NXPH1: variants seen among roughly 807,000 people sequenced by gnomAD.
NXPH1 encodes the protein neurexophilin 1.
In NXPH1, 5 loss-of-function variants were observed where a neutral mutation model predicts 23.7. That is an observed-to-expected ratio of 0.21 (90% CI 0.11 to 0.44). NXPH1 has a LOEUF of 0.44. Among genes scored for constraint, NXPH1 ranks in the 20% least tolerant of loss-of-function variants. The pLI is 0.99. For missense variants in NXPH1, 324 were observed against 321.6 expected (o/e 1.01, Z -0.06); for synonymous variants, 144 against 122.2 (o/e 1.18, Z -1.18).
chr7:8,447,289 G>C lies in NXPH1; in HGVS notation c.54+11522G>C, dbSNP rs148648642. On this transcript the variant is annotated intron_variant, in intron 2 of 2. Coordinates refer to ENST00000405863, the MANE Select transcript of NXPH1 (RefSeq NM_152745.3). ...TATTTGTGAATAGTTTCTTTCACCA[G>C]GGCACCATCATTTACTGTGTTAGAG... Among the ~76,000 whole-genome samples the C allele has an allele frequency of 8.1e-4, 124 of 152,246 alleles. 1 individual carries two copies. Among genetic ancestry groups the C allele is most frequent in the African/African-American group, 2.8e-3 (115 of 41,536 alleles).
At chr7:8,728,578 C>G (rs2115213801) in intron 2 of NXPH1, among the ~76,000 whole-genome samples, 1 of 152,150 alleles carries the variant, frequency 6.6e-6, no homozygotes, top group African/African-American at 2.4e-5. Flanking sequence ...AAGGCCTTTT[C>G]TGCATCTATT....
At chr7:8,689,596 T>A (rs1407917707) in intron 2 of NXPH1, among the ~76,000 whole-genome samples, 1 of 152,154 alleles carries the variant, frequency 6.6e-6, no homozygotes, top group Non-Finnish European at 1.5e-5. Context: ...GGTAGAAGAA[T>A]GAAGCTGAAC....
intron 2 of NXPH1, among the ~76,000 whole-genome samples, chr7:8,560,188 G>T (rs533259389): frequency 6.6e-6 from 1 of 151,754 alleles, no homozygotes; most frequent in South Asian, 2.1e-4. Flanking sequence ...AAAAATAATA[G>T]CATATGTAAA....
chr7:8,523,954 G>C (rs1817818311), intron 2 of NXPH1, among the ~76,000 whole-genome samples: 1 of 152,076 alleles, frequency 6.6e-6, no homozygotes, highest in African/African-American at 2.4e-5. Context: ...ATACAGGAAA[G>C]CTATCTTCAG....
chr7:8,490,526 C>T (rs909511947), intron 2 of NXPH1, among the ~76,000 whole-genome samples: 1 of 151,702 alleles, frequency 6.6e-6, no homozygotes, highest in South Asian at 2.1e-4. Context: ...ATTTAACCTT[C>T]TCTGAGTGAA....
chr7:8,593,965 C>T (rs778126903), intron 2 of NXPH1, among the ~76,000 whole-genome samples: 1 of 151,154 alleles, frequency 6.6e-6, no homozygotes, highest in Non-Finnish European at 1.5e-5. Flanking sequence ...TTTTAGACAT[C>T]AACTTAAAAA....
Position 8,464,997 on chromosome 7 carries a change from C to G in NXPH1, c.54+29230C>G, listed in dbSNP as rs577790108. ...TGCTTTGGGAAACAAATCTGGCAGC[C>G]TAAAATAATCCAGATGGGAGAGAAG... On this transcript the variant is annotated intron_variant, in intron 2 of 2. Coordinates refer to ENST00000405863, the MANE Select transcript of NXPH1 (RefSeq NM_152745.3). Among the ~76,000 whole-genome samples the G allele has an allele frequency of 5.9e-5, 9 of 152,016 alleles. No individual in the cohort carries two copies. The South Asian group carries it at 1.9e-3, about 32-fold the overall frequency.
intron 2 of NXPH1, among the ~76,000 whole-genome samples, chr7:8,644,735 A>C (rs967771550): frequency 1.3e-5 from 2 of 152,158 alleles, no homozygotes; most frequent in Non-Finnish European, 2.9e-5. Context: ...ATCCAGATTA[A>C]GAATTAGAAT....
intron 2 of NXPH1, among the ~76,000 whole-genome samples, chr7:8,535,388 A>C (rs1584217756): frequency 6.6e-6 from 1 of 152,104 alleles, no homozygotes; most frequent in Non-Finnish European, 1.5e-5. Context: ...TAAGCCCTTG[A>C]TGATGTACTT....
chr7:8,623,548 G>A (rs1215883989), intron 2 of NXPH1, among the ~76,000 whole-genome samples: 1 of 151,792 alleles, frequency 6.6e-6, no homozygotes, highest in Non-Finnish European at 1.5e-5. Flanking sequence ...TCGAATCATA[G>A]TTAACAAACA....
chr7:8,443,835 A>G (rs1340308489), intron 2 of NXPH1, among the ~76,000 whole-genome samples: 1 of 151,878 alleles, frequency 6.6e-6, no homozygotes, highest in African/African-American at 2.4e-5. Context: ...GTTTCTCTTT[A>G]CTTACCAAAC....
intron 2 of NXPH1, among the ~76,000 whole-genome samples, chr7:8,662,660 A>C (rs935597562): frequency 6.6e-6 from 1 of 152,020 alleles, no homozygotes; most frequent in East Asian, 1.9e-4. Flanking sequence ...AAAACTGAGA[A>C]GTGACGAAAG....
At chr7:8,496,653 G>C (rs1303897466) in intron 2 of NXPH1, among the ~76,000 whole-genome samples, 1 of 151,904 alleles carries the variant, frequency 6.6e-6, no homozygotes, top group Non-Finnish European at 1.5e-5. Flanking sequence ...CAACTTCTTG[G>C]GCCCCATCCC....
intron 2 of NXPH1, among the ~76,000 whole-genome samples, chr7:8,728,129 G>A (rs1053909528): frequency 6.6e-6 from 1 of 151,256 alleles, no homozygotes; most frequent in African/African-American, 2.4e-5. Context: ...TCATGATTTG[G>A]CTCTCTGTTT....
At chr7:8,698,346 G>C (rs946212538) in intron 2 of NXPH1, among the ~76,000 whole-genome samples, 3 of 152,074 alleles carry the variant, frequency 2.0e-5, no homozygotes, top group Non-Finnish European at 4.4e-5. Flanking sequence ...TGCACATATT[G>C]AAGAAAATGT....
intron 2 of NXPH1, among the ~76,000 whole-genome samples, chr7:8,476,536 T>C (rs1334310105): frequency 1.3e-5 from 2 of 152,016 alleles, no homozygotes; most frequent in African/African-American, 2.4e-5. Flanking sequence ...GAGGGATTCA[T>C]ATAGATTCAT....
intron 2 of NXPH1, among the ~76,000 whole-genome samples, chr7:8,720,922 A>G (rs1779960134): frequency 6.6e-6 from 1 of 152,246 alleles, no homozygotes; most frequent in South Asian, 2.1e-4. Flanking sequence ...GCTGTTCAAA[A>G]ATGTAAAGAA....
chr7:8,749,045 C>T (rs1231002344), intron 2 of NXPH1, among the ~76,000 whole-genome samples: 1 of 152,122 alleles, frequency 6.6e-6, no homozygotes, highest in Non-Finnish European at 1.5e-5. Context: ...CCTGGGGGAG[C>T]CCATTTTTTT....
At chr7:8,444,679 A>G (rs554430663) in intron 2 of NXPH1, among the ~76,000 whole-genome samples, 2 of 152,294 alleles carry the variant, frequency 1.3e-5, no homozygotes, top group South Asian at 4.1e-4. Context: ...TGTGGTGTGC[A>G]TTTGTCAGTG....
Sources: allele counts gnomAD v4.1 joint callset (sites outside exome capture counted in the v4.1 genomes callset), GRCh38; gene constraint gnomAD v4.1.1; transcripts MANE v1.5; gene names NCBI Gene and HGNC (gene_info 2026-07-23, HGNC 2026-07-21).